The following TSNARE1 variants were observed in gnomAD, a reference collection of about 807,000 sequenced individuals.
The protein encoded by TSNARE1 is t-SNARE domain containing 1, also known as t-SNARE domain-containing protein 1.
A neutral mutation model predicts 62.0 loss-of-function variants in TSNARE1; 49 were observed. That is an observed-to-expected ratio of 0.79 (90% CI 0.63 to 1.00). TSNARE1 has a LOEUF of 1.00. TSNARE1 is among the 50% of genes least tolerant of loss of function. TSNARE1 has a pLI of 0.00. For synonymous variants in TSNARE1, 328 were observed against 294.4 expected (o/e 1.11, Z -1.17); for missense variants, 755 against 700.1 (o/e 1.08, Z -0.88).
intron 9 of TSNARE1, among the ~76,000 whole-genome samples, chr8:142,308,898 A>C (rs899087518): frequency 6.6e-6 from 1 of 152,122 alleles, no homozygotes; most frequent in Non-Finnish European, 1.5e-5. Flanking sequence ...TCCATGGTTT[A>C]GATCATCCAC....
chr8:142,248,929 G>A (rs543221694), intron 12 of TSNARE1, among the ~76,000 whole-genome samples: 67 of 152,328 alleles, frequency 4.4e-4, no homozygotes, highest in South Asian at 2.1e-3. Context: ...GCACTGCTGC[G>A]CCCACTACCC....
Position 142,368,629 on chromosome 8 carries a change from C to T in TSNARE1, c.-39-13866G>A, listed in dbSNP as rs572238542. On this transcript the variant is annotated intron_variant, in intron 1 of 13. Transcript: ENST00000524325. ...GACAAGAAGAATGAAGCCACCTGGG[C>T]GGCCACATCCACTCACAAGCTCTTC... Among the ~76,000 whole-genome samples the T allele has an allele frequency of 4.6e-5, 7 of 152,286 alleles. No homozygotes were observed. The South Asian group carries it at 6.2e-4, about 14-fold the overall frequency.
chr8:142,241,624 C>A (rs1192021260), intron 12 of TSNARE1, among the ~76,000 whole-genome samples: 2 of 152,130 alleles, frequency 1.3e-5, no homozygotes, highest in Non-Finnish European at 2.9e-5. Flanking sequence ...CTATGGTAAC[C>A]AAAACAGCAG....
intron 4 of TSNARE1, among the ~76,000 whole-genome samples, chr8:142,336,517 G>A (rs979522321): frequency 2.6e-5 from 4 of 152,118 alleles, no homozygotes; most frequent in African/African-American, 9.7e-5. Flanking sequence ...AACTGACTAA[G>A]ATAAAACAAT....
At chr8:142,226,397 G>C (rs1028049268) in intron 13 of TSNARE1, among the ~76,000 whole-genome samples, 1 of 152,266 alleles carries the variant, frequency 6.6e-6, no homozygotes, top group East Asian at 1.9e-4. Context: ...TCCTGCAATC[G>C]AGCTACGGTT....
chr8:142,353,733 G>A (rs1283193420), intron 2 of TSNARE1, among the ~76,000 whole-genome samples: 1 of 145,366 alleles, frequency 6.9e-6, no homozygotes, highest in Non-Finnish European at 1.5e-5. Flanking sequence ...CCCGGCAAGA[G>A]CCAAGCAGAG....
chr8:142,391,575 G>A (rs568388075), intron 1 of TSNARE1, among the ~76,000 whole-genome samples: 1 of 152,342 alleles, frequency 6.6e-6, no homozygotes, highest in Admixed American at 6.5e-5. Context: ...CCTCTTTGGG[G>A]CTCTGCGGTT....
At chr8:142,356,533 T>A (rs1394195617) in intron 1 of TSNARE1, among the ~76,000 whole-genome samples, 1 of 152,034 alleles carries the variant, frequency 6.6e-6, no homozygotes, top group South Asian at 2.1e-4. Context: ...CGGGGCCTCA[T>A]CGGGAAAAGC....
intron 2 of TSNARE1, among the ~76,000 whole-genome samples, chr8:142,349,385 A>C (rs943837141): frequency 6.6e-6 from 1 of 152,248 alleles, no homozygotes; most frequent in African/African-American, 2.4e-5. Context: ...GGAAATTTCT[A>C]ATTTCCAATG....
chr8:142,362,040 G>T (rs1259578483), intron 1 of TSNARE1, among the ~76,000 whole-genome samples: 3 of 152,244 alleles, frequency 2.0e-5, no homozygotes, highest in Non-Finnish European at 4.4e-5. Context: ...CAGCAGGAGG[G>T]CTTGCTGTCA....
chr8:142,214,541 G>C (rs1007956993), intron 13 of TSNARE1, among the ~76,000 whole-genome samples: 22 of 151,984 alleles, frequency 1.4e-4, no homozygotes, highest in African/African-American at 4.8e-4. Context: ...CTTGCGCTGG[G>C]CCTGGGCTGT....
At chr8:142,333,897 A>C (rs1831402553) in intron 4 of TSNARE1, among the ~76,000 whole-genome samples, 1 of 151,898 alleles carries the variant, frequency 6.6e-6, no homozygotes, top group African/African-American at 2.4e-5. Context: ...AGCACCCACC[A>C]CCCCTCGATG....
At chr8:142,401,562 G>A (rs1838295655) in intron 1 of TSNARE1, among the ~76,000 whole-genome samples, 1 of 152,200 alleles carries the variant, frequency 6.6e-6, no homozygotes, top group African/African-American at 2.4e-5. Flanking sequence ...TGAGCCCCTA[G>A]ACTGAGTGCC....
chr8:142,321,912 C>T (rs1202476153), intron 6 of TSNARE1, among the ~76,000 whole-genome samples: 3 of 152,162 alleles, frequency 2.0e-5, no homozygotes, highest in Non-Finnish European at 4.4e-5. Context: ...ATGAGGCTCA[C>T]ACCACCCTGA....
chr8:142,277,358 C>T, intron 11 of TSNARE1: 3 of 985,416 alleles, frequency 3.0e-6, no homozygotes, highest in Non-Finnish European at 3.6e-6. Flanking sequence ...ACTGCCTGCC[C>T]AGTGCCCTCA....
intron 1 of TSNARE1, among the ~76,000 whole-genome samples, chr8:142,390,358 G>A (rs1837416319): frequency 7.3e-6 from 1 of 137,706 alleles, no homozygotes; most frequent in Admixed American, 7.2e-5. Flanking sequence ...ACACTGCGGG[G>A]GACTCCGTAA....
chr8:142,314,855 G>A, intron 8 of TSNARE1, 148 bp downstream of exon 8: 1 of 747,418 alleles, frequency 1.3e-6, no homozygotes, highest in East Asian at 2.7e-5. Flanking sequence ...GCTGCCTAGA[G>A]ACTGTCTGCA....
At position 142,346,465 on chromosome 8, in the gene TSNARE1, C is replaced by A. The variant is rs61479157; in HGVS notation, c.89-573G>T. The stretch of plus-strand genomic sequence containing the variant: ...TTCTCTAATTATTTCCATTTGTTCA[C>A]AAAACATTTCTGGACACATTTCATT... On this transcript the variant is annotated intron_variant, in intron 2 of 13. Transcript: ENST00000524325. Among the ~76,000 whole-genome samples the A allele has an allele frequency of 1.9e-3, 288 of 152,376 alleles. 2 individuals are homozygous for A. The highest frequency in any genetic ancestry group is 6.4e-3 in the African/African-American group (268 of 41,594).
chr8:142,367,974 C>A (rs1485046923), intron 1 of TSNARE1, among the ~76,000 whole-genome samples: 1 of 152,080 alleles, frequency 6.6e-6, no homozygotes, highest in Non-Finnish European at 1.5e-5. Flanking sequence ...ATAAAACAAT[C>A]AAAGTATGTG....
Sources: allele counts gnomAD v4.1 joint callset (sites outside exome capture counted in the v4.1 genomes callset), GRCh38; gene constraint gnomAD v4.1.1; transcripts MANE v1.5; gene names NCBI Gene and HGNC (gene_info 2026-07-23, HGNC 2026-07-21).